Variants in DOCK9 observed in about 807,000 individuals in gnomAD.
DOCK9 encodes dedicator of cytokinesis protein 9.
A neutral mutation model predicts 263.3 loss-of-function variants in DOCK9; 89 were observed. The ratio of observed to expected loss-of-function variants is 0.34; its 90% CI spans 0.28 to 0.40. The LOEUF is 0.40. Among genes scored for constraint, DOCK9 ranks in the 10% least tolerant of loss-of-function variants. DOCK9 has a pLI of 1.00. For missense variants in DOCK9, 2,140 were observed against 2,603.4 expected (o/e 0.82, Z 3.87); for synonymous variants, 976 against 973.1 (o/e 1.00, Z -0.06).
At chr13:98,883,958 G>T in intron 21 of DOCK9, 59 bp from the exon 22 acceptor site, 1 of 1,247,926 alleles carries the variant, frequency 8.0e-7, no homozygotes, top group South Asian at 1.4e-5. Flanking sequence ...GCTCTAACAT[G>T]ATCATCAATG....
At chr13:98,914,659 G>A (rs1218478261) in intron 8 of DOCK9, among the ~76,000 whole-genome samples, 1 of 152,134 alleles carries the variant, frequency 6.6e-6, no homozygotes, top group Non-Finnish European at 1.5e-5. Context: ...AGCCCACATG[G>A]ACACGTCCAT....
chr13:99,077,213 G>C (rs1022466538), intron 1 of DOCK9, among the ~76,000 whole-genome samples: 3 of 152,166 alleles, frequency 2.0e-5, no homozygotes, highest in African/African-American at 4.8e-5. Context: ...AAAGAAACCA[G>C]ATAAGAAGGA....
In DOCK9 at chr13:98,887,125, T is replaced by TTATA. The variant is rs1160298057; in HGVS notation, c.2044-505_2044-502dup. Among the ~76,000 whole-genome samples the TTATA allele has an allele frequency of 1.5e-3, 157 of 102,454 alleles. 3 individuals are homozygous for TTATA. The highest frequency in any genetic ancestry group is 5.5e-3 in the African/African-American group (144 of 26,048). The allele number at this position is 102,454 out of a possible 152,430, so 67.2% of individuals were successfully genotyped here. ...ATTTCTTGAGGACAGATACTATATTTTATATATATATATATATATTTTTTT... is the reference window on the plus strand; with the variant it reads ...ATTTCTTGAGGACAGATACTATATTTTATATATATATATATATATATATTTTTTT... On this transcript the variant is annotated intron_variant, in intron 18 of 52. Transcript: ENST00000682017.
chr13:99,084,918 T>C (rs774956492), intron 1 of DOCK9, among the ~76,000 whole-genome samples: 4 of 152,202 alleles, frequency 2.6e-5, no homozygotes, highest in Non-Finnish European at 5.9e-5. Context: ...CAGGTTCTGG[T>C]CTATTCCCAA....
intron 1 of DOCK9, among the ~76,000 whole-genome samples, chr13:99,015,079 G>A (rs1366128145): frequency 1.3e-5 from 2 of 152,182 alleles, no homozygotes; most frequent in African/African-American, 4.8e-5. Context: ...GAATGTAAAG[G>A]GGCTAAATAA....
chr13:98,871,068 A>G (rs55650487), intron 27 of DOCK9, among the ~76,000 whole-genome samples: 5,181 of 152,304 alleles, frequency 0.034, 142 homozygotes, highest in Middle Eastern at 0.092. Flanking sequence ...CTGAATATAG[A>G]CTGGGTGTTA....
At chr13:99,073,251 T>C (rs1464353596) in intron 1 of DOCK9, among the ~76,000 whole-genome samples, 3 of 152,164 alleles carry the variant, frequency 2.0e-5, no homozygotes, top group Admixed American at 6.5e-5. Flanking sequence ...CTTTGCCTAA[T>C]AGAAAATCCC....
intron 27 of DOCK9, among the ~76,000 whole-genome samples, chr13:98,874,221 C>A (rs79127456): frequency 2.0e-5 from 3 of 152,160 alleles, no homozygotes; most frequent in African/African-American, 7.2e-5. Flanking sequence ...ATGTCATATA[C>A]AGGATATGGA....
At chr13:98,795,763 CT>C (rs11449176) in intron 52 of DOCK9, among the ~76,000 whole-genome samples, 57,698 of 145,714 alleles carry the variant, frequency 0.4, 11,760 homozygotes, top group East Asian at 0.62. Context: ...TTTTTTTCTA[CT>C]TTTTTTTTTT....
chr13:98,822,534 C>A (rs2092333921), intron 45 of DOCK9, among the ~76,000 whole-genome samples: 1 of 152,150 alleles, frequency 6.6e-6, no homozygotes, highest in Non-Finnish European at 1.5e-5. Flanking sequence ...GTGGTTTCTG[C>A]AAGGAGACAA....
At chr13:98,875,630 C>T (rs1239616403) in intron 27 of DOCK9, among the ~76,000 whole-genome samples, 2 of 152,164 alleles carry the variant, frequency 1.3e-5, no homozygotes, top group Non-Finnish European at 2.9e-5. Flanking sequence ...GGAAAAGAAA[C>T]ACCAACAAAC....
intron 23 of DOCK9, among the ~76,000 whole-genome samples, 197 bp downstream of exon 23, chr13:98,882,845 A>G (rs1027174043): frequency 1.3e-5 from 2 of 152,226 alleles, no homozygotes; most frequent in African/African-American, 2.4e-5. Flanking sequence ...CAAAGGATAC[A>G]TGGGACTAGG....
At chr13:99,041,922 C>A (rs1566344156) in intron 1 of DOCK9, among the ~76,000 whole-genome samples, 1 of 152,330 alleles carries the variant, frequency 6.6e-6, no homozygotes, top group East Asian at 1.9e-4. Flanking sequence ...AAATTCTCTC[C>A]TTAAGTCCCC....
At chr13:98,889,081 A>T (rs2046237699) in intron 15 of DOCK9, among the ~76,000 whole-genome samples, 1 of 152,238 alleles carries the variant, frequency 6.6e-6, no homozygotes, top group African/African-American at 2.4e-5. Flanking sequence ...ACAGGTCTAG[A>T]TAAAGAATAT....
intron 1 of DOCK9, among the ~76,000 whole-genome samples, chr13:99,031,413 C>T (rs1303270945): frequency 6.6e-6 from 1 of 152,206 alleles, no homozygotes; most frequent in African/African-American, 2.4e-5. Context: ...AAAGTCCCTG[C>T]TCCTTCCAGC....
At chr13:98,911,879 T>C (rs1226621847) in intron 9 of DOCK9, among the ~76,000 whole-genome samples, 1 of 151,354 alleles carries the variant, frequency 6.6e-6, no homozygotes, top group East Asian at 1.9e-4. Flanking sequence ...AAACACTTTT[T>C]TTTTTTTTGA....
intron 41 of DOCK9, among the ~76,000 whole-genome samples, 187 bp downstream of exon 41, chr13:98,831,161 T>C (rs1249367151): frequency 1.3e-5 from 2 of 152,208 alleles, no homozygotes; most frequent in Non-Finnish European, 2.9e-5. Flanking sequence ...CAGAAACGCA[T>C]CTCAGGCCCA....
intron 39 of DOCK9, among the ~76,000 whole-genome samples, chr13:98,835,018 G>A (rs553625603): frequency 6.6e-6 from 1 of 152,290 alleles, no homozygotes; most frequent in South Asian, 2.1e-4. Context: ...GTAAAATGTG[G>A]GATAATTCGA....
At chr13:99,008,233 TA>T (rs1480809574) in intron 1 of DOCK9, among the ~76,000 whole-genome samples, 1,626 of 101,578 alleles carry the variant, frequency 0.016, 25 homozygotes, top group East Asian at 0.097. Flanking sequence ...TATATATATA[TA>T]TTTTTTTTTT....
Sources: allele counts gnomAD v4.1 joint callset (sites outside exome capture counted in the v4.1 genomes callset), GRCh38; gene constraint gnomAD v4.1.1; transcripts MANE v1.5; gene names NCBI Gene and HGNC (gene_info 2026-07-23, HGNC 2026-07-21).